ACSL1: variants seen among roughly 807,000 people sequenced by gnomAD.
The protein encoded by ACSL1 is acyl-CoA synthetase long chain family member 1, also known as long-chain-fatty-acid--CoA ligase 1.
ACSL1 carries 41 observed loss-of-function variants against 98.4 expected under a neutral mutation model. The observed-to-expected ratio is 0.42, with a 90% CI of 0.32 to 0.54. The LOEUF is 0.54. ACSL1 is among the 20% of genes least tolerant of loss of function. ACSL1 has a pLI of 0.13. For synonymous variants in ACSL1, 316 were observed against 322.7 expected (o/e 0.98, Z 0.22); for missense variants, 734 against 883.1 (o/e 0.83, Z 2.14).
chr4:184,772,956 C>A, intron 10 of ACSL1, 125 bp downstream of exon 10: 1 of 825,384 alleles, frequency 1.2e-6, no homozygotes. Flanking sequence ...TCTGACCTTA[C>A]CCATATGTCA....
chr4:184,766,015 G>T lies in ACSL1; in HGVS notation c.1264-29C>A. The T allele has an allele frequency of 6.2e-7, 1 of 1,610,564 alleles. No homozygotes were observed. The highest frequency in any genetic ancestry group is 1.7e-5 in the Admixed American group (1 of 59,910). Reference sequence around the variant, plus strand: ...TCAGGGAGGGAGAGTGGGAGAAGGTGAGGGTTACACACCTGGAAGTCGGCG... The same window carrying T: ...TCAGGGAGGGAGAGTGGGAGAAGGTTAGGGTTACACACCTGGAAGTCGGCG... On this transcript the variant is annotated intron_variant, in intron 13 of 20. Coordinates refer to ENST00000281455, the MANE Select transcript of ACSL1 (RefSeq NM_001995.5). This position sits in a 1 kb window ranked among gnomAD's most constrained non-coding sequence, Gnocchi z 4.8.
At chr4:184,777,042 G>T in intron 5 of ACSL1, 59 bp from the exon 6 acceptor site, 1 of 1,436,858 alleles carries the variant, frequency 7.0e-7, no homozygotes, top group Non-Finnish European at 9.8e-7. Flanking sequence ...AATCAATAAG[G>T]AGAACAATAC....
chr4:184,785,943 CCAAAG>C (rs747466095), intron 3 of ACSL1, among the ~76,000 whole-genome samples: 9 of 152,178 alleles, frequency 5.9e-5, no homozygotes, highest in Non-Finnish European at 1.2e-4. Flanking sequence ...CTCCCACATC[CCAAAG>C]CTGTGCCTGT....
intron 1 of ACSL1, chr4:184,805,359 A>G (rs1166360271): frequency 5.8e-6 from 3 of 515,664 alleles, no homozygotes; most frequent in Non-Finnish European, 7.5e-6. Context: ...TGCTCATTCA[A>G]TCTCTGCTAC....
At chr4:184,788,043 G>C (rs1012273329) in intron 3 of ACSL1, among the ~76,000 whole-genome samples, 1 of 152,322 alleles carries the variant, frequency 6.6e-6, no homozygotes, top group East Asian at 1.9e-4. Flanking sequence ...AGGGCTGGGA[G>C]AGAGCAGAGG....
chr4:184,813,919 C>G (rs769869555), intron 1 of ACSL1: 1 of 454,712 alleles, frequency 2.2e-6, no homozygotes, highest in East Asian at 7.0e-5. Context: ...GTACCTAGAT[C>G]CTGGGGTCCT....
chr4:184,811,401 C>A (rs150854836), intron 1 of ACSL1, among the ~76,000 whole-genome samples: 2 of 151,680 alleles, frequency 1.3e-5, no homozygotes, highest in East Asian at 1.9e-4. Flanking sequence ...TGTGAGCCAC[C>A]GCGCCCAGCT....
intron 1 of ACSL1, chr4:184,812,179 C>T (rs1248863370): frequency 2.0e-6 from 2 of 985,040 alleles, no homozygotes; most frequent in Non-Finnish European, 2.4e-6. Context: ...TACTTAGTAC[C>T]TATGTAGATG....
chr4:184,789,201 C>T (rs543319453), intron 2 of ACSL1, among the ~76,000 whole-genome samples: 91 of 152,286 alleles, frequency 6.0e-4, no homozygotes, highest in African/African-American at 1.9e-3. Context: ...CGGGGAACCA[C>T]GGCTAAGTCA....
intron 3 of ACSL1, among the ~76,000 whole-genome samples, chr4:184,784,773 T>G (rs995462100): frequency 2.0e-5 from 3 of 152,154 alleles, no homozygotes; most frequent in Non-Finnish European, 4.4e-5. Flanking sequence ...ACAACGGCAG[T>G]GTGCTGCACA....
At chr4:184,788,230 C>T (rs527237730) in intron 3 of ACSL1, 26 of 353,120 alleles carry the variant, frequency 7.4e-5, no homozygotes, top group African/African-American at 5.3e-4. Flanking sequence ...CAGAACACTG[C>T]CATCCTGGGA....
At position 184,765,896 on chromosome 4, in the gene ACSL1, A is replaced by G; in HGVS notation, c.1354T>C (p.Cys452Arg). 2 of 1,612,442 alleles carry G rather than the reference A, an allele frequency of 1.2e-6. No homozygotes were observed. Among genetic ancestry groups the G allele is most frequent in the Non-Finnish European group, 1.7e-6 (2 of 1,178,996 alleles). The change falls in exon 14 of 21, where the codon TGT becomes CGT. Residue 452 changes from cysteine to arginine, a missense_variant. Cys to Arg is a radical substitution (Grantham distance 180). Coordinates refer to ENST00000281455, the MANE Select transcript of ACSL1 (RefSeq NM_001995.5). ...VLTFLRAALGCQFYEGYGQTE... is the reference protein window; with the variant it reads ...VLTFLRAALGRQFYEGYGQTE... ...CGCCGTGACATCCACCTCACCTGAC[A>G]GCCCAGGGCTGCTCTGAGGAACGTC...
rs370223408 is a variant in ACSL1, at chr4:184,763,176, G to A, written c.1512C>T (p.Gly504=). 204 of 1,613,236 alleles carry A rather than the reference G, an allele frequency of 1.3e-4. No individual in the cohort carries two copies. The highest frequency in any genetic ancestry group is 1.6e-4 in the Non-Finnish European group (188 of 1,179,866). ...GACGGTTTTCACTCACCTCGCCCTC[G>A]CCCTCGGCAGCCATGTAATTCATTT... ...VEEMNYMAAE[G]EGEVCVKGPN... is the part of the protein sequence containing the mutation. Residue 504 remains glycine (G), a synonymous_variant, in exon 16 of 21, where the codon GGC becomes GGT. Transcript: ENST00000281455.
chr4:184,776,748 T>G (rs189990877), intron 6 of ACSL1, 86 bp from the exon 7 acceptor site: 3 of 1,500,416 alleles, frequency 2.0e-6, no homozygotes, highest in Non-Finnish European at 1.8e-6. Flanking sequence ...ATACTTGAAG[T>G]ACTACATTCT....
chr4:184,768,824 C>CT (rs1171965859), intron 11 of ACSL1, among the ~76,000 whole-genome samples: 1 of 152,120 alleles, frequency 6.6e-6, no homozygotes, highest in African/African-American at 2.4e-5. Context: ...AATCCCAGCA[C>CT]TTTGGGAGGC....
chr4:184,816,975 T>C lies in ACSL1; in HGVS notation c.-33+8941A>G, dbSNP rs185716435. The stretch of plus-strand genomic sequence containing the variant: ...CGCCCATATATTCAATTTGCAAATA[T>C]TGAGGATATGCAAGTCAGCTCCAGC... On this transcript the variant is annotated intron_variant, in intron 1 of 20. Transcript: ENST00000281455. Among the ~76,000 whole-genome samples, 364 of 152,214 alleles carry C rather than the reference T, an allele frequency of 2.4e-3. 3 individuals carry two copies. Among genetic ancestry groups the C allele is most frequent in the African/African-American group, 8.6e-3 (356 of 41,538 alleles).
At chr4:184,812,114 T>C (rs902499119) in intron 1 of ACSL1, 1 of 885,046 alleles carries the variant, frequency 1.1e-6, no homozygotes, top group African/African-American at 1.8e-5. Flanking sequence ...GACTTCTTTA[T>C]TTGTAACCCC....
intron 1 of ACSL1, among the ~76,000 whole-genome samples, chr4:184,811,275 ATTTTT>A (rs371577009): frequency 3.0e-4 from 45 of 149,066 alleles, no homozygotes; most frequent in African/African-American, 1.1e-3. Flanking sequence ...CGCCTGGCTA[ATTTTT>A]TTTTTGTATT....
intron 1 of ACSL1, among the ~76,000 whole-genome samples, chr4:184,823,560 C>A (rs1773231216): frequency 6.6e-6 from 1 of 152,046 alleles, no homozygotes; most frequent in Admixed American, 6.6e-5. Flanking sequence ...GGAGAAATAC[C>A]CAGTTATAAT....
Sources: allele counts gnomAD v4.1 joint callset (sites outside exome capture counted in the v4.1 genomes callset), GRCh38; gene constraint gnomAD v4.1.1; non-coding constraint Gnocchi (gnomAD v3.1); transcripts MANE v1.5; gene names NCBI Gene and HGNC (gene_info 2026-07-23, HGNC 2026-07-21).